The following PDE4D variants were observed in gnomAD, a reference collection of about 807,000 sequenced individuals.
PDE4D encodes the protein 3',5'-cyclic-AMP phosphodiesterase 4D.
PDE4D carries 24 observed loss-of-function variants against 87.4 expected under a neutral mutation model. The ratio of observed to expected loss-of-function variants is 0.27; its 90% CI spans 0.20 to 0.39. The LOEUF (loss-of-function observed/expected upper bound fraction) is 0.39, where lower values mean the gene tolerates loss of function less well. Ranked by LOEUF, PDE4D falls within the 10% of genes least tolerant of loss-of-function variation. The pLI is 1.00. For missense variants in PDE4D, 714 were observed against 1,041.0 expected (o/e 0.69, Z 4.32); for synonymous variants, 384 against 383.2 (o/e 1.00, Z -0.02).
intron 2 of PDE4D, among the ~76,000 whole-genome samples, chr5:59,195,336 G>C (rs1262219975): frequency 6.6e-6 from 1 of 152,176 alleles, no homozygotes; most frequent in Non-Finnish European, 1.5e-5. Context: ...CCCAGGGTAG[G>C]AGCAGGCCTG....
chr5:59,326,106 G>A lies in PDE4D; in HGVS notation c.456-110138C>T, dbSNP rs149754535. 8.6e-3 allele frequency among the ~76,000 whole-genome samples: 1,303 copies of A among 152,078 alleles called. 18 individuals carry two copies. The highest frequency in any genetic ancestry group is 0.03 in the African/African-American group (1,232 of 41,476). The stretch of plus-strand genomic sequence containing the variant: ...CACAGGAAGGGGAACATCACACACC[G>A]GGGACTGTTGTGGGGTGGGAGGAGG... On this transcript the variant is annotated intron_variant, in intron 1 of 14. Coordinates refer to ENST00000340635, the MANE Select transcript of PDE4D (RefSeq NM_001104631.2).
chr5:59,339,378 C>CAAATAGCAT (rs1290325179), intron 1 of PDE4D, among the ~76,000 whole-genome samples: 1 of 152,102 alleles, frequency 6.6e-6, no homozygotes, highest in African/African-American at 2.4e-5. Flanking sequence ...TCAGCATTTC[C>CAAATAGCAT]AAATAGCATT....
At chr5:60,347,091 T>A (rs1758803783) in intron 1 of PDE4D, among the ~76,000 whole-genome samples, 1 of 151,864 alleles carries the variant, frequency 6.6e-6, no homozygotes, top group Non-Finnish European at 1.5e-5. Flanking sequence ...GGGTGATGGG[T>A]TAGAATGATT....
chr5:59,463,600 A>T (rs547922590), intron 1 of PDE4D, among the ~76,000 whole-genome samples: 45 of 152,322 alleles, frequency 3.0e-4, no homozygotes, highest in African/African-American at 8.2e-4. Context: ...AATTTATGAT[A>T]ATCATTCTAT....
At chr5:59,860,852 T>A (rs1051992755) in intron 1 of PDE4D, among the ~76,000 whole-genome samples, 10 of 151,774 alleles carry the variant, frequency 6.6e-5, no homozygotes, top group African/African-American at 1.7e-4. Flanking sequence ...TTTTTTTTTT[T>A]AATTATTTTT....
intron 6 of PDE4D, among the ~76,000 whole-genome samples, chr5:59,031,132 G>A (rs1561346428): frequency 6.6e-6 from 1 of 152,024 alleles, no homozygotes; most frequent in East Asian, 1.9e-4. Flanking sequence ...CTGTTGGTGG[G>A]AATGTAAATT....
intron 5 of PDE4D, among the ~76,000 whole-genome samples, chr5:59,151,313 TC>T (rs1779445192): frequency 2.0e-5 from 3 of 152,118 alleles, no homozygotes; most frequent in Admixed American, 6.6e-5. Flanking sequence ...ATGAATCTCT[TC>T]TGTCCTGTAC....
chr5:59,122,116 T>G (rs1580910131), intron 5 of PDE4D, among the ~76,000 whole-genome samples: 1 of 115,112 alleles, frequency 8.7e-6, no homozygotes, highest in Non-Finnish European at 1.6e-5. Context: ...CACTCCAGCC[T>G]GGATGACAGA....
intron 1 of PDE4D, among the ~76,000 whole-genome samples, chr5:59,429,986 T>C (rs569296274): frequency 1.3e-5 from 2 of 152,276 alleles, no homozygotes; most frequent in East Asian, 1.9e-4. Context: ...TCAATAAATA[T>C]ATCCATTATT....
At chr5:59,304,796 G>A (rs907454624) in intron 1 of PDE4D, among the ~76,000 whole-genome samples, 7 of 152,122 alleles carry the variant, frequency 4.6e-5, no homozygotes, top group African/African-American at 1.7e-4. Flanking sequence ...GATTCAGTCA[G>A]CTAGTATTTT....
chr5:59,295,762 C>T (rs1768944706), intron 1 of PDE4D, among the ~76,000 whole-genome samples: 2 of 151,754 alleles, frequency 1.3e-5, no homozygotes, highest in African/African-American at 4.8e-5. Context: ...AAGTGCTCTC[C>T]ATTCTCCTCC....
At chr5:59,179,337 A>G (rs1740930890) in intron 5 of PDE4D, among the ~76,000 whole-genome samples, 1 of 152,088 alleles carries the variant, frequency 6.6e-6, no homozygotes, top group East Asian at 1.9e-4. Flanking sequence ...CCTGGCCTCA[A>G]GTGATCCACC....
At chr5:59,967,794 C>G (rs1760219121) in intron 3 of PDE4D, among the ~76,000 whole-genome samples, 1 of 152,072 alleles carries the variant, frequency 6.6e-6, no homozygotes, top group Admixed American at 6.6e-5. Flanking sequence ...GACACATGCA[C>G]TCATATGCTC....
intron 1 of PDE4D, among the ~76,000 whole-genome samples, chr5:59,717,806 T>C (rs1755239642): frequency 1.3e-5 from 2 of 152,308 alleles, no homozygotes; most frequent in South Asian, 2.1e-4. Context: ...ACAGCAGACA[T>C]TGTCCTAAAC....
intron 1 of PDE4D, among the ~76,000 whole-genome samples, chr5:59,707,522 T>A (rs1161732682): frequency 6.6e-6 from 1 of 152,140 alleles, no homozygotes; most frequent in East Asian, 1.9e-4. Flanking sequence ...TTTTTTTGTT[T>A]TTGGTTCTGG....
chr5:60,067,219 T>G (rs1772201823), intron 2 of PDE4D, among the ~76,000 whole-genome samples: 1 of 152,016 alleles, frequency 6.6e-6, no homozygotes, highest in African/African-American at 2.4e-5. Context: ...ATTTGTCCTC[T>G]CCCCTAAAGT....
intron 2 of PDE4D, among the ~76,000 whole-genome samples, chr5:59,205,842 G>A (rs1329923222): frequency 6.6e-6 from 1 of 152,134 alleles, no homozygotes; most frequent in African/African-American, 2.4e-5. Flanking sequence ...GTGAAACAAT[G>A]AGTTAAAAAA....
intron 1 of PDE4D, among the ~76,000 whole-genome samples, chr5:60,242,674 G>C (rs1747262786): frequency 6.6e-6 from 1 of 152,008 alleles, no homozygotes; most frequent in Non-Finnish European, 1.5e-5. Flanking sequence ...ATTAAAACAA[G>C]AGGAATTTTG....
intron 2 of PDE4D, among the ~76,000 whole-genome samples, chr5:60,105,225 C>G (rs1776744446): frequency 6.6e-6 from 1 of 152,250 alleles, no homozygotes; most frequent in East Asian, 1.9e-4. Flanking sequence ...GCAGAAGCCT[C>G]AGGAGCCAAT....
Sources: allele counts gnomAD v4.1 joint callset (sites outside exome capture counted in the v4.1 genomes callset), GRCh38; gene constraint gnomAD v4.1.1; transcripts MANE v1.5; gene names NCBI Gene and HGNC (gene_info 2026-07-23, HGNC 2026-07-21).